Variants in CASD1 observed in about 807,000 individuals in gnomAD.
CASD1 encodes the protein N-acetylneuraminate (7)9-O-acetyltransferase.
CASD1 carries 41 observed loss-of-function variants against 100.0 expected under a neutral mutation model. The observed-to-expected ratio is 0.41, with a 90% CI of 0.32 to 0.53. The LOEUF (loss-of-function observed/expected upper bound fraction) is 0.53. Among genes scored for constraint, CASD1 ranks in the 20% least tolerant of loss-of-function variants. CASD1 has a pLI of 0.25. For synonymous variants in CASD1, 321 were observed against 315.6 expected, an observed-to-expected ratio of 1.02 and a Z score of -0.18; for missense variants, 774 against 948.7, an observed-to-expected ratio of 0.82 and a Z score of 2.42.
the CASD1 span, among the ~76,000 whole-genome samples, chr7:94,591,130 T>C: frequency 0.012 from 1,807 of 152,304 alleles, 34 homozygotes; most frequent in African/African-American, 0.041. Flanking sequence ...TGTTTGTTCT[T>C]TCAGAATTTC....
chr7:94,608,292 T>C, the CASD1 span, among the ~76,000 whole-genome samples: 1 of 152,136 alleles, frequency 6.6e-6, no homozygotes, highest in South Asian at 2.1e-4. Flanking sequence ...GCCGAGATTG[T>C]GCCACTGCAC....
At chr7:94,539,143 A>G (rs1433544195) in intron 10 of CASD1, 87 bp downstream of exon 10, 3 of 686,048 alleles carry the variant, frequency 4.4e-6, no homozygotes, top group African/African-American at 3.7e-5. Context: ...TTTGTGTTTT[A>G]TAATCTCTAC....
the CASD1 span, among the ~76,000 whole-genome samples, chr7:94,602,597 C>A: frequency 1.4e-4 from 21 of 149,568 alleles, no homozygotes; most frequent in African/African-American, 4.7e-4. Flanking sequence ...AAAAAAAAAA[C>A]AAAGAATTGA....
At chr7:94,560,789 C>A (rs571376489), downstream of CASD1, among the ~76,000 whole-genome samples, 1 of 152,098 alleles carries the variant, frequency 6.6e-6, no homozygotes, top group South Asian at 2.1e-4. Flanking sequence ...AATTCCCATT[C>A]TTACTCTGTA....
chr7:94,628,457 T>G, the CASD1 span: 10 of 1,053,336 alleles, frequency 9.5e-6, no homozygotes, highest in East Asian at 5.1e-5. Flanking sequence ...ATTTTTTTCT[T>G]ACATTTGTAG....
chr7:94,591,775 G>A, the CASD1 span, among the ~76,000 whole-genome samples: 1 of 152,080 alleles, frequency 6.6e-6, no homozygotes, highest in Non-Finnish European at 1.5e-5. Context: ...AAATCACAAT[G>A]GGCTGGGCTA....
the CASD1 span, chr7:94,603,446 A>G: frequency 6.2e-7 from 1 of 1,612,962 alleles, no homozygotes; most frequent in Non-Finnish European, 8.5e-7. Context: ...CAACCATGAC[A>G]TAAACGCTGT....
the CASD1 span, among the ~76,000 whole-genome samples, chr7:94,595,555 A>G: frequency 6.6e-6 from 1 of 152,168 alleles, no homozygotes; most frequent in Admixed American, 6.5e-5. Context: ...TTATCCAAGC[A>G]TATACCTGGT....
intron 2 of CASD1, 131 bp from the exon 3 acceptor site, chr7:94,518,072 C>T: frequency 1.2e-6 from 1 of 847,532 alleles, no homozygotes; most frequent in Non-Finnish European, 1.8e-6. Context: ...ACAAACCTGG[C>T]CACCTGCTTA....
At chr7:94,546,845 T>G (rs1795705090) in intron 12 of CASD1, among the ~76,000 whole-genome samples, 2 of 151,832 alleles carry the variant, frequency 1.3e-5, no homozygotes, top group South Asian at 4.1e-4. Flanking sequence ...AAAAATACAT[T>G]TCTAATGGAT....
At chr7:94,583,783 T>G in the CASD1 span, among the ~76,000 whole-genome samples, 1 of 152,138 alleles carries the variant, frequency 6.6e-6, no homozygotes, top group South Asian at 2.1e-4. Flanking sequence ...ACTTACCATA[T>G]AGTCATTTGC....
At chr7:94,624,122 A>G in the CASD1 span, 5 of 396,142 alleles carry the variant, frequency 1.3e-5, no homozygotes, top group African/African-American at 6.2e-5. Context: ...ATTTAACTTT[A>G]TAACAGATAT....
At chr7:94,613,819 T>G in the CASD1 span, among the ~76,000 whole-genome samples, 2 of 152,154 alleles carry the variant, frequency 1.3e-5, no homozygotes, top group Non-Finnish European at 2.9e-5. Context: ...TGTTACATGT[T>G]GCCTGGGAAA....
the CASD1 span, among the ~76,000 whole-genome samples, chr7:94,565,485 T>TC: frequency 6.6e-6 from 1 of 152,106 alleles, no homozygotes; most frequent in East Asian, 1.9e-4. Flanking sequence ...CTTCTCATCC[T>TC]CCATCTACAG....
the CASD1 span, chr7:94,626,282 T>C: frequency 6.6e-6 from 1 of 152,096 alleles, no homozygotes; most frequent in Admixed American, 6.6e-5. Context: ...ACAAATTTCA[T>C]ATAGTGAAAT....
chr7:94,578,885 C>G, the CASD1 span, among the ~76,000 whole-genome samples: 1 of 152,282 alleles, frequency 6.6e-6, no homozygotes, highest in East Asian at 1.9e-4. Flanking sequence ...CATGATTAGT[C>G]TTCAAATTAT....
Position 94,551,496 on chromosome 7 carries a change from T to A in CASD1, c.1956+18T>A. On this transcript the variant is annotated intron_variant, in intron 15 of 17. Coordinates refer to ENST00000297273, the MANE Select transcript of CASD1 (RefSeq NM_022900.5). ...CTTTCTTGGTAAGTTTTGAAAACTT[T>A]CCAAAATTCTAAATGGTATGGAATA... is the stretch of plus-strand genomic sequence containing the variant. 1 of 1,306,038 alleles carries A rather than the reference T, an allele frequency of 7.7e-7. No individual in the cohort carries two copies. The highest frequency in any genetic ancestry group is 1.0e-6 in the Non-Finnish European group (1 of 979,670). 80.9% of individuals were successfully genotyped at this position (1,306,038 alleles called of 1,614,324 possible). A position where few individuals can be genotyped will look rare whatever the true frequency, so the allele number is the denominator to read the frequency against.
At chr7:94,587,032 A>G in the CASD1 span, 1 of 984,476 alleles carries the variant, frequency 1.0e-6, no homozygotes, top group Non-Finnish European at 1.2e-6. Context: ...TCTAGTGTTA[A>G]CTAAAAAGGA....
intron 1 of CASD1, among the ~76,000 whole-genome samples, chr7:94,510,718 A>G (rs921073655): frequency 6.6e-6 from 1 of 152,182 alleles, no homozygotes; most frequent in Non-Finnish European, 1.5e-5. Flanking sequence ...CTGCCCTGTA[A>G]CACCCAGTCT....
Sources: allele counts gnomAD v4.1 joint callset (sites outside exome capture counted in the v4.1 genomes callset), GRCh38; gene constraint gnomAD v4.1.1; transcripts MANE v1.5; gene names NCBI Gene and HGNC (gene_info 2026-07-23, HGNC 2026-07-21).